Variants in ARPP19 observed in about 807,000 individuals in gnomAD.
ARPP19 encodes the protein cAMP regulated phosphoprotein 19, also known as cAMP-regulated phosphoprotein 19.
ARPP19 carries 8 observed loss-of-function variants against 12.0 expected under a neutral mutation model. The observed-to-expected ratio is 0.67, with a 90% CI of 0.39 to 1.21. ARPP19 has a LOEUF of 1.21. ARPP19 is among the 50% of genes most tolerant of loss of function. ARPP19 has a pLI of 0.01. For synonymous variants in ARPP19, 47 were observed against 50.4 expected (o/e 0.93, Z 0.29); for missense variants, 102 against 136.3 (o/e 0.75, Z 1.25).
upstream of ARPP19, chr15:52,569,351 T>C: frequency 5.0e-6 from 1 of 198,596 alleles, no homozygotes; most frequent in South Asian, 7.3e-5. Flanking sequence ...TTCTCCTCGC[T>C]CTCCGCTCTG....
At chr15:52,556,775 T>C (rs1049121635) in intron 2 of ARPP19, among the ~76,000 whole-genome samples, 2 of 152,122 alleles carry the variant, frequency 1.3e-5, no homozygotes, top group Admixed American at 6.5e-5. Context: ...TCTACAACAT[T>C]TTCTTTCTTA....
At chr15:52,563,370 G>C (rs922042329) in intron 1 of ARPP19, among the ~76,000 whole-genome samples, 1 of 152,112 alleles carries the variant, frequency 6.6e-6, no homozygotes. Context: ...AGCTGGGAAA[G>C]GAACCCCAGG....
intron 1 of ARPP19, among the ~76,000 whole-genome samples, chr15:52,567,083 T>C (rs1240390348): frequency 6.6e-6 from 1 of 152,254 alleles, no homozygotes; most frequent in African/African-American, 2.4e-5. Flanking sequence ...ACAGGTGATT[T>C]GGCCCACAGG....
Position 52,557,105 on chromosome 15 carries a change from T to G in ARPP19, c.163A>C (p.Lys55Gln). The G allele has an allele frequency of 6.2e-7, 1 of 1,611,826 alleles. No individual in the cohort carries two copies. The highest frequency in any genetic ancestry group is 8.5e-7 in the Non-Finnish European group (1 of 1,179,798). ...AATTACCCATGAGAACTTACCCCTT[T>G]CTGCAACCGTTTCCTTAAGAAATCT... ...GSDFLRKRLQKGQKYFDSGDY... is the reference protein window; with the variant it reads ...GSDFLRKRLQQGQKYFDSGDY... Residue 55 changes from lysine (K) to glutamine (Q), a missense_variant, in exon 2 of 3, where the codon AAA becomes CAA. Transcript: ENST00000249822.
intron 1 of ARPP19, among the ~76,000 whole-genome samples, chr15:52,563,551 T>C (rs2078054766): frequency 6.6e-6 from 1 of 152,204 alleles, no homozygotes; most frequent in African/African-American, 2.4e-5. Flanking sequence ...TTTCTGTGAA[T>C]AGGTGGGGTA....
intron 2 of ARPP19, among the ~76,000 whole-genome samples, chr15:52,552,552 C>T (rs932792385): frequency 3.6e-5 from 5 of 139,492 alleles, no homozygotes; most frequent in Non-Finnish European, 7.5e-5. Context: ...TGCCCCACTG[C>T]ACTCCAGCCT....
At chr15:52,558,219 G>A (rs140272114) in intron 1 of ARPP19, among the ~76,000 whole-genome samples, 2 of 152,220 alleles carry the variant, frequency 1.3e-5, no homozygotes, top group African/African-American at 2.4e-5. Flanking sequence ...TGGGAGCTGT[G>A]GGCGGATTGC....
At chr15:52,556,413 T>C (rs968836179) in intron 2 of ARPP19, among the ~76,000 whole-genome samples, 1 of 152,110 alleles carries the variant, frequency 6.6e-6, no homozygotes, top group Non-Finnish European at 1.5e-5. Flanking sequence ...GCCAGCATTA[T>C]CTCAATCTCA....
At chr15:52,556,640 C>A (rs1278349920) in intron 2 of ARPP19, among the ~76,000 whole-genome samples, 2 of 152,016 alleles carry the variant, frequency 1.3e-5, no homozygotes, top group Admixed American at 6.5e-5. Context: ...TGGGAATCAC[C>A]TGCAAAAAAT....
chr15:52,563,510 G>A (rs1198927432), intron 1 of ARPP19, among the ~76,000 whole-genome samples: 2 of 152,126 alleles, frequency 1.3e-5, no homozygotes, highest in Non-Finnish European at 1.5e-5. Context: ...GCATTTTTGT[G>A]AATTGTACCA....
intron 1 of ARPP19, among the ~76,000 whole-genome samples, chr15:52,562,492 T>C (rs1246658273): frequency 6.6e-6 from 1 of 152,096 alleles, no homozygotes; most frequent in African/African-American, 2.4e-5. Flanking sequence ...CAGTAAGACC[T>C]TGGCCTTTAC....
Position 52,549,831 on chromosome 15 carries a change from C to T in ARPP19, c.*2103G>A, listed in dbSNP as rs1171465045. ...TTATTTTAAACTTCTTAAATTGATT[C>T]TATAATGAGTATATACTTGCTCTCA... On this transcript the variant is annotated 3_prime_UTR_variant, in exon 3 of 3. Coordinates refer to ENST00000249822, the MANE Select transcript of ARPP19 (RefSeq NM_006628.6). 3 of 152,362 alleles carry T rather than the reference C, an allele frequency of 2.0e-5. No homozygotes were observed. Among genetic ancestry groups the T allele is most frequent in the African/African-American group, 7.3e-5 (3 of 41,316 alleles). 9.4% of individuals were successfully genotyped at this position (152,362 alleles called of 1,614,324 possible). A position where few individuals can be genotyped will look rare whatever the true frequency, so the allele number is the denominator to read the frequency against.
At chr15:52,558,482 A>AAAAAAAAAAAG (rs559673591) in intron 1 of ARPP19, among the ~76,000 whole-genome samples, 1 of 148,976 alleles carries the variant, frequency 6.7e-6, no homozygotes, top group African/African-American at 2.5e-5. Context: ...AAAAAAAAAA[A>AAAAAAAAAAAG]AAAGAAAGAA....
intron 1 of ARPP19, among the ~76,000 whole-genome samples, chr15:52,561,992 G>A (rs1376392273): frequency 6.8e-6 from 1 of 146,906 alleles, no homozygotes; most frequent in Non-Finnish European, 1.5e-5. Flanking sequence ...TGCCCAGGCT[G>A]GTCTAGAACT....
At chr15:52,563,690 T>G (rs1428054610) in intron 1 of ARPP19, among the ~76,000 whole-genome samples, 1 of 152,152 alleles carries the variant, frequency 6.6e-6, no homozygotes. Flanking sequence ...CAGAGGAGGG[T>G]TATACAGCAA....
At chr15:52,564,676 T>C (rs895010864) in intron 1 of ARPP19, among the ~76,000 whole-genome samples, 1 of 152,078 alleles carries the variant, frequency 6.6e-6, no homozygotes, top group African/African-American at 2.4e-5. Flanking sequence ...CCAAGACATA[T>C]TAGTTTGGTG....
Position 52,549,345 on chromosome 15 carries a change from CTT to C in ARPP19, c.*2587_*2588del, listed in dbSNP as rs1379418177. 6.6e-6 allele frequency: 1 copy of C among 152,188 alleles called. No individual in the cohort carries two copies. Among genetic ancestry groups the C allele is most frequent in the Non-Finnish European group, 1.5e-5 (1 of 67,962 alleles). 9.4% of individuals were successfully genotyped at this position (152,188 alleles called of 1,614,324 possible). ...TTACAAATGTCTTCAATAAACTGAG[CTT>C]TGAGGCAGAACAAAAAAAAAACAAA... On this transcript the variant is annotated 3_prime_UTR_variant, in exon 3 of 3. Transcript: ENST00000249822.
chr15:52,555,191 TA>T (rs1406980246), intron 2 of ARPP19, among the ~76,000 whole-genome samples: 1 of 152,088 alleles, frequency 6.6e-6, no homozygotes, highest in African/African-American at 2.4e-5. Context: ...CTCAACTATT[TA>T]TATCTACAAC....
At position 52,559,391 on chromosome 15, in the gene ARPP19, G is replaced by C. The variant is rs539344203; in HGVS notation, c.46-2169C>G. 7.2e-5 allele frequency among the ~76,000 whole-genome samples: 11 copies of C among 152,270 alleles called. No individual in the cohort carries two copies. The South Asian group carries it at 2.1e-3, about 29-fold the overall frequency. On this transcript the variant is annotated intron_variant, in intron 1 of 2. Coordinates refer to ENST00000249822, the MANE Select transcript of ARPP19 (RefSeq NM_006628.6). ...CATCAACATGCTGTTTATCATTGCA[G>C]TGTTTAAAATCTCAGCCCGTACAAT...
Sources: allele counts gnomAD v4.1 joint callset (sites outside exome capture counted in the v4.1 genomes callset), GRCh38; gene constraint gnomAD v4.1.1; transcripts MANE v1.5; gene names NCBI Gene and HGNC (gene_info 2026-07-23, HGNC 2026-07-21).